The following EGLN1 variants were observed in gnomAD, a reference collection of about 807,000 sequenced individuals.
The protein encoded by EGLN1 is egl-9 family hypoxia inducible factor 1, also known as egl nine homolog 1.
A neutral mutation model predicts 38.3 loss-of-function variants in EGLN1; 17 were observed. The observed-to-expected ratio is 0.44, with a 90% CI of 0.30 to 0.67. The LOEUF (loss-of-function observed/expected upper bound fraction) is 0.67, where lower values mean the gene tolerates loss of function less well. Among genes scored for constraint, EGLN1 ranks in the 30% least tolerant of loss-of-function variants. EGLN1 has a pLI of 0.08. For missense variants in EGLN1, 477 were observed against 603.3 expected, an observed-to-expected ratio of 0.79 and a Z score of 2.19; for synonymous variants, 283 against 257.5, an observed-to-expected ratio of 1.10 and a Z score of -0.95.
chr1:231,414,066 A>AT (rs954656828), intron 1 of EGLN1, among the ~76,000 whole-genome samples: 5 of 151,652 alleles, frequency 3.3e-5, no homozygotes, highest in Admixed American at 6.6e-5. Context: ...ATCTATATCA[A>AT]TTTTTTTTTA....
At position 231,421,668 on chromosome 1, in the gene EGLN1, T is replaced by G; in HGVS notation, c.221A>C (p.His74Pro). ...ALGHGVGPHQHSGPAPPAAVP... is the reference protein window; with the variant it reads ...ALGHGVGPHQPSGPAPPAAVP... ...TGCAGCCGGCGGCGCGGGGCCGGAA[T>G]GCTGGTGTGGGCCCACTCCGTGGCC... The change falls in exon 1 of 5, where the codon CAT becomes CCT. Residue 74 changes from histidine to proline, a missense_variant. Physicochemically the swap from His to Pro is moderately conservative, Grantham distance 77 (BLOSUM62 -2). Transcript: ENST00000366641. This position sits in a 1 kb window ranked among gnomAD's most constrained non-coding sequence, Gnocchi z 5.5. 1 of 1,472,888 alleles carries G rather than the reference T, an allele frequency of 6.8e-7. No homozygotes were observed. Among genetic ancestry groups the G allele is most frequent in the Non-Finnish European group, 9.0e-7 (1 of 1,117,074 alleles). 91.2% of individuals were successfully genotyped at this position (1,472,888 alleles called of 1,614,324 possible).
intron 1 of EGLN1, among the ~76,000 whole-genome samples, chr1:231,409,477 T>C (rs1688877555): frequency 6.6e-6 from 1 of 152,134 alleles, no homozygotes; most frequent in Admixed American, 6.5e-5. Flanking sequence ...ACTCAGTAAA[T>C]AGCTGTTGAA....
chr1:231,376,054 C>G (rs548414134), intron 1 of EGLN1, among the ~76,000 whole-genome samples: 4 of 152,210 alleles, frequency 2.6e-5, no homozygotes, highest in African/African-American at 9.6e-5. Context: ...TCTTGAACAT[C>G]GACTATGTAT....
intron 1 of EGLN1, among the ~76,000 whole-genome samples, chr1:231,391,570 C>T (rs2749707): frequency 0.55 from 82,848 of 151,926 alleles, 24,193 homozygotes; most frequent in Non-Finnish European, 0.65. Flanking sequence ...AAATGGTACT[C>T]GGTAACTTTT....
chr1:231,389,100 T>C (rs761779776), intron 1 of EGLN1, among the ~76,000 whole-genome samples: 18 of 152,236 alleles, frequency 1.2e-4, no homozygotes, highest in Admixed American at 2.6e-4. Context: ...GAAGATTCAA[T>C]GTGATCTCAA....
chr1:231,384,994 G>A (rs1688164569), intron 1 of EGLN1, among the ~76,000 whole-genome samples: 1 of 152,190 alleles, frequency 6.6e-6, no homozygotes, highest in Non-Finnish European at 1.5e-5. Context: ...CAGAAGAGTA[G>A]TTAGAAGGCT....
intron 1 of EGLN1, among the ~76,000 whole-genome samples, chr1:231,381,975 C>T (rs1267562346): frequency 6.6e-6 from 1 of 152,234 alleles, no homozygotes; most frequent in Non-Finnish European, 1.5e-5. Flanking sequence ...CAACCTCATT[C>T]TAGCCCATGC....
At chr1:231,396,645 G>A (rs1025549411) in intron 1 of EGLN1, among the ~76,000 whole-genome samples, 2 of 152,076 alleles carry the variant, frequency 1.3e-5, no homozygotes, top group South Asian at 2.1e-4. Flanking sequence ...CCAGTAAGTC[G>A]AGGTTGCTCT....
intron 1 of EGLN1, among the ~76,000 whole-genome samples, chr1:231,394,977 A>G (rs2808596): frequency 0.58 from 87,836 of 151,942 alleles, 26,143 homozygotes; most frequent in Non-Finnish European, 0.65. Flanking sequence ...CAAATCACCT[A>G]GGGATAGTGT....
chr1:231,398,232 A>G (rs1558390247), intron 1 of EGLN1, among the ~76,000 whole-genome samples: 1 of 152,388 alleles, frequency 6.6e-6, no homozygotes, highest in East Asian at 1.9e-4. Flanking sequence ...TTCAAGAAAT[A>G]CTAGAAGGAA....
At chr1:231,404,352 AAAATAAATAACTTTTATTATTTTGT>A (rs1485652125) in intron 1 of EGLN1, among the ~76,000 whole-genome samples, 1 of 152,206 alleles carries the variant, frequency 6.6e-6, no homozygotes, top group African/African-American at 2.4e-5. Flanking sequence ...TTTTAGGAGG[AAAATAAATAACTTTTATTATTTTGT>A]TTTTACTGCT....
Position 231,374,180 on chromosome 1 carries a change from T to G in EGLN1, c.892-81A>C, listed in dbSNP as rs74143815. On this transcript the variant is annotated intron_variant, in intron 1 of 4. Transcript: ENST00000366641. ...CAGCTAATAAATCAGATCTCTGATT[T>G]TTGGCTACTGATTTACACTTAGATT... 3,230 of 1,333,034 alleles carry G rather than the reference T, an allele frequency of 2.4e-3. 51 individuals carry two copies. The African/African-American group carries it at 0.04, about 17-fold the overall frequency. The allele number at this position is 1,333,034 out of a possible 1,614,324, so 82.6% of individuals were successfully genotyped here.
intron 1 of EGLN1, among the ~76,000 whole-genome samples, chr1:231,406,552 T>C (rs1572045381): frequency 6.6e-6 from 1 of 152,166 alleles, no homozygotes; most frequent in East Asian, 1.9e-4. Context: ...CCATTATTTA[T>C]GGGGGAAAAG....
At chr1:231,376,111 C>T (rs1414810485) in intron 1 of EGLN1, among the ~76,000 whole-genome samples, 2 of 152,302 alleles carry the variant, frequency 1.3e-5, no homozygotes, top group Non-Finnish European at 2.9e-5. Flanking sequence ...GAAAAGGTCC[C>T]TTGCACTCAT....
chr1:231,382,120 T>C (rs941478754), intron 1 of EGLN1, among the ~76,000 whole-genome samples: 3 of 152,210 alleles, frequency 2.0e-5, no homozygotes, highest in East Asian at 1.9e-4. Flanking sequence ...ACTTAGCTGC[T>C]TGACATTACA....
At chr1:231,369,915 TTTAA>T (rs1309043170) in intron 3 of EGLN1, among the ~76,000 whole-genome samples, 6 of 152,214 alleles carry the variant, frequency 3.9e-5, no homozygotes, top group Non-Finnish European at 7.3e-5. Context: ...GCCAGAGCAT[TTTAA>T]TTGAGTCAGG....
At chr1:231,414,107 A>T (rs1689017956) in intron 1 of EGLN1, among the ~76,000 whole-genome samples, 1 of 152,190 alleles carries the variant, frequency 6.6e-6, no homozygotes, top group African/African-American at 2.4e-5. Flanking sequence ...AAAGGCAAAG[A>T]CAAGCTCTGA....
At chr1:231,396,354 A>G (rs1391614370) in intron 1 of EGLN1, among the ~76,000 whole-genome samples, 1 of 151,810 alleles carries the variant, frequency 6.6e-6, no homozygotes, top group Non-Finnish European at 1.5e-5. Flanking sequence ...CCTAGGTTCA[A>G]GCGATTCTCC....
intron 1 of EGLN1, among the ~76,000 whole-genome samples, chr1:231,398,449 C>T (rs1380120832): frequency 6.6e-6 from 1 of 152,114 alleles, no homozygotes; most frequent in Non-Finnish European, 1.5e-5. Context: ...TAGGTGCATA[C>T]CACCATGCCC....
Sources: gnomAD v4.1 joint callset for allele counts (sites outside exome capture counted in the v4.1 genomes callset) on GRCh38, gnomAD v4.1.1 for gene constraint, Gnocchi (gnomAD v3.1) non-coding constraint, MANE v1.5 for transcripts, NCBI Gene and HGNC (gene_info 2026-07-23, HGNC 2026-07-21) for gene names.